GRID1: variants seen among roughly 807,000 people sequenced by gnomAD.
GRID1 encodes glutamate receptor ionotropic, delta-1.
Under a neutral mutation model 98.0 loss-of-function variants are expected in GRID1, and 28 were observed. That is an observed-to-expected ratio of 0.29 (90% CI 0.21 to 0.39). The LOEUF (loss-of-function observed/expected upper bound fraction) is 0.39. Ranked by LOEUF, GRID1 falls within the 10% of genes least tolerant of loss-of-function variation. The pLI, the probability that GRID1 is intolerant of heterozygous loss-of-function variation, is 1.00. For missense variants in GRID1, 1,111 were observed against 1,340.5 expected (o/e 0.83, Z 2.67); for synonymous variants, 553 against 538.5 (o/e 1.03, Z -0.37).
At chr10:86,310,658 G>A (rs564417411) in intron 2 of GRID1, among the ~76,000 whole-genome samples, 58 of 152,322 alleles carry the variant, frequency 3.8e-4, no homozygotes, top group South Asian at 2.1e-3. Context: ...AGAGGATGGA[G>A]ACTCCAGAAA....
chr10:86,082,347 G>A (rs1374324726), intron 4 of GRID1, among the ~76,000 whole-genome samples: 1 of 152,214 alleles, frequency 6.6e-6, no homozygotes, highest in Non-Finnish European at 1.5e-5. Context: ...GCCAGTTGCA[G>A]CCTGGCTATG....
At chr10:86,282,649 T>C (rs1299225038) in intron 2 of GRID1, among the ~76,000 whole-genome samples, 1 of 152,136 alleles carries the variant, frequency 6.6e-6, no homozygotes, top group African/African-American at 2.4e-5. Context: ...CACGGAGGGC[T>C]CTTCCCAGGG....
At chr10:85,975,213 A>C (rs983485839) in intron 4 of GRID1, among the ~76,000 whole-genome samples, 43 of 152,152 alleles carry the variant, frequency 2.8e-4, no homozygotes, top group African/African-American at 1.0e-3. Flanking sequence ...CCCCACATTC[A>C]GTTTCTAATC....
intron 3 of GRID1, among the ~76,000 whole-genome samples, chr10:86,156,019 T>C (rs1035976907): frequency 3.9e-5 from 6 of 152,202 alleles, no homozygotes; most frequent in Admixed American, 1.3e-4. Context: ...AGCTGAGCAC[T>C]GTCCAGCAAG....
rs1590153833 is a variant in GRID1, at chr10:85,603,153, C to A, written c.2602-452G>T. On this transcript the variant is annotated intron_variant, in intron 15 of 15. Coordinates refer to ENST00000327946, the MANE Select transcript of GRID1 (RefSeq NM_017551.3). ...ACTTTGTATGATCATCCCCACCTTG[C>A]ACAAAAGGAGGCTCAGGCTCAGGAA... 2.0e-5 allele frequency among the ~76,000 whole-genome samples: 3 copies of A among 152,310 alleles called. No homozygotes were observed. In the Middle Eastern group the frequency reaches 0.01, roughly 518 times the overall value.
chr10:86,118,048 C>T (rs1288827599), intron 4 of GRID1, among the ~76,000 whole-genome samples: 1 of 152,102 alleles, frequency 6.6e-6, no homozygotes, highest in East Asian at 1.9e-4. Context: ...AATATGGAAC[C>T]AGCCCAAATG....
chr10:86,255,317 C>T (rs117720269), intron 2 of GRID1, among the ~76,000 whole-genome samples: 416 of 152,328 alleles, frequency 2.7e-3, no homozygotes, highest in Non-Finnish European at 4.7e-3. Context: ...CTCTCCATCC[C>T]AAGGGATCAA....
chr10:86,319,940 A>G (rs906686573), intron 2 of GRID1, among the ~76,000 whole-genome samples: 2 of 152,356 alleles, frequency 1.3e-5, no homozygotes, highest in Non-Finnish European at 2.9e-5. Flanking sequence ...GCAGTAATCA[A>G]GTAATGAAAT....
intron 4 of GRID1, chr10:86,052,593 A>G (rs1843516789): frequency 6.6e-6 from 1 of 152,132 alleles, no homozygotes; most frequent in African/African-American, 2.4e-5. Context: ...AGATAGATAC[A>G]TATGTTTAAA....
chr10:86,073,097 A>G, intron 4 of GRID1, among the ~76,000 whole-genome samples: 1 of 152,228 alleles, frequency 6.6e-6, no homozygotes, highest in African/African-American at 2.4e-5. Flanking sequence ...AGTAATTAAA[A>G]AATCTTTGTT....
chr10:86,082,286 A>G (rs1005787785), intron 4 of GRID1, among the ~76,000 whole-genome samples: 1 of 152,228 alleles, frequency 6.6e-6, no homozygotes. Flanking sequence ...GTGCAGTAGA[A>G]TAATCCTGCA....
At chr10:85,734,272 C>G (rs1301033827) in intron 8 of GRID1, among the ~76,000 whole-genome samples, 3 of 152,236 alleles carry the variant, frequency 2.0e-5, no homozygotes, top group African/African-American at 7.2e-5. Flanking sequence ...GTGGCCACAG[C>G]TGAGGCCCAG....
intron 8 of GRID1, among the ~76,000 whole-genome samples, chr10:85,741,916 A>C (rs1174262541): frequency 6.6e-6 from 1 of 152,070 alleles, no homozygotes; most frequent in African/African-American, 2.4e-5. Flanking sequence ...GTTCCCAATA[A>C]ATCTTATCTC....
chr10:86,292,290 C>T (rs1298394058), intron 2 of GRID1, among the ~76,000 whole-genome samples: 2 of 152,256 alleles, frequency 1.3e-5, no homozygotes, highest in African/African-American at 2.4e-5. Flanking sequence ...CTGCAGGAAG[C>T]TCTTCTTTGC....
chr10:85,751,094 G>A (rs920361982), intron 8 of GRID1, among the ~76,000 whole-genome samples: 1 of 151,938 alleles, frequency 6.6e-6, no homozygotes, highest in Non-Finnish European at 1.5e-5. Flanking sequence ...TGAGATGAGG[G>A]AGATTCTAGG....
intron 3 of GRID1, among the ~76,000 whole-genome samples, chr10:86,150,525 G>A (rs1280493764): frequency 1.3e-5 from 2 of 152,336 alleles, no homozygotes; most frequent in East Asian, 1.9e-4. Context: ...AGCCACATGT[G>A]AATTTCCAGG....
intron 4 of GRID1, among the ~76,000 whole-genome samples, chr10:85,920,442 A>ATTCC (rs1811626140): frequency 6.6e-6 from 1 of 152,002 alleles, no homozygotes; most frequent in South Asian, 2.1e-4. Flanking sequence ...ATAATCCCTC[A>ATTCC]TTCCTTCCTT....
intron 2 of GRID1, among the ~76,000 whole-genome samples, chr10:86,230,460 A>G (rs1438829579): frequency 6.6e-6 from 1 of 152,142 alleles, no homozygotes; most frequent in Non-Finnish European, 1.5e-5. Context: ...GTGACAATGC[A>G]CAACCAAAGG....
chr10:85,634,194 G>T (rs1284851101), intron 13 of GRID1, among the ~76,000 whole-genome samples: 3 of 148,054 alleles, frequency 2.0e-5, no homozygotes, highest in African/African-American at 7.5e-5. Flanking sequence ...AAGTTTACCA[G>T]TAGAGGGGCT....
Sources: gnomAD v4.1 joint callset for allele counts (sites outside exome capture counted in the v4.1 genomes callset) on GRCh38, gnomAD v4.1.1 for gene constraint, MANE v1.5 for transcripts, NCBI Gene and HGNC (gene_info 2026-07-23, HGNC 2026-07-21) for gene names.